The following LAMA1 variants were observed in gnomAD, a reference collection of about 807,000 sequenced individuals.
LAMA1 encodes laminin subunit alpha-1.
Under a neutral mutation model 348.7 loss-of-function variants are expected in LAMA1, and 219 were observed. The observed-to-expected ratio is 0.63, with a 90% CI of 0.56 to 0.70. The LOEUF (loss-of-function observed/expected upper bound fraction) is 0.70, where lower values mean the gene tolerates loss of function less well. Among genes scored for constraint, LAMA1 ranks in the 30% least tolerant of loss-of-function variants. The probability of loss-of-function intolerance (pLI) is 0.00; values close to 1 mark genes in which losing one functional copy is unlikely to be tolerated. For synonymous variants in LAMA1, 1,487 were observed against 1,491.0 expected, an observed-to-expected ratio of 1.00 and a Z score of 0.06; for missense variants, 3,744 against 3,888.0, an observed-to-expected ratio of 0.96 and a Z score of 0.99.
intron 1 of LAMA1, among the ~76,000 whole-genome samples, chr18:7,108,662 A>G (rs986960321): frequency 6.7e-6 from 1 of 149,698 alleles, no homozygotes; most frequent in Non-Finnish European, 1.5e-5. Flanking sequence ...AAAAAAAAAA[A>G]AAAAAGCTAA....
At chr18:6,970,045 A>T (rs2057651124) in intron 48 of LAMA1, among the ~76,000 whole-genome samples, 1 of 152,166 alleles carries the variant, frequency 6.6e-6, no homozygotes, top group Non-Finnish European at 1.5e-5. Flanking sequence ...ATCTGGGGTC[A>T]GTGGAGGGGA....
intron 1 of LAMA1, among the ~76,000 whole-genome samples, chr18:7,098,185 ATCTC>A (rs2058270912): frequency 6.6e-6 from 1 of 151,758 alleles, no homozygotes; most frequent in East Asian, 2.0e-4. Context: ...CAGTGGCGTG[ATCTC>A]GGCTCGCTAC....
At chr18:6,995,566 G>T in intron 33 of LAMA1, 120 bp from the exon 34 acceptor site, 2 of 688,422 alleles carry the variant, frequency 2.9e-6, no homozygotes, top group Non-Finnish European at 5.2e-6. Flanking sequence ...CCTTGGAACT[G>T]TCATTTTAAA....
Position 6,958,546 on chromosome 18 carries a change from T to C in LAMA1, c.7895A>G (p.Glu2632Gly), listed in dbSNP as rs1002338725. 6.2e-7 allele frequency: 1 copy of C among 1,614,184 alleles called. No homozygotes were observed. The highest frequency in any genetic ancestry group is 8.5e-7 in the Non-Finnish European group (1 of 1,180,036). Residue 2632 changes from glutamate (E) to glycine (G), a missense_variant, in exon 55 of 63, where the codon GAG (glutamate) becomes GGG (glycine). Physicochemically the swap from Glu to Gly is moderately conservative, Grantham distance 98. This residue lies in a region of LAMA1 where 1,983 missense variants were observed against 1,934.3 expected (regional missense o/e 1.03). Coordinates refer to ENST00000389658, the MANE Select transcript of LAMA1 (RefSeq NM_005559.4). ...NLYVGGIPEG[E>G]GTSLLTMRRS... ...TCTCATTGTGAGCAGTGACGTCCCCTCTCCCTCTGGAATTCCCCCGACGTA... is the reference window on the plus strand; with the variant it reads ...TCTCATTGTGAGCAGTGACGTCCCCCCTCCCTCTGGAATTCCCCCGACGTA...
intron 36 of LAMA1, among the ~76,000 whole-genome samples, chr18:6,989,957 T>C (rs1027371050): frequency 1.3e-5 from 2 of 152,224 alleles, no homozygotes; most frequent in African/African-American, 2.4e-5. Flanking sequence ...ACTAGTGTTA[T>C]AGAGGCACAT....
chr18:7,029,058 C>T (rs1178550726), intron 16 of LAMA1, among the ~76,000 whole-genome samples: 1 of 152,144 alleles, frequency 6.6e-6, no homozygotes, highest in East Asian at 1.9e-4. Flanking sequence ...TCCCATATAC[C>T]ACATTTAATT....
chr18:7,007,369 G>A (rs373688253), intron 28 of LAMA1, 93 bp from the exon 29 acceptor site: 1 of 1,280,988 alleles, frequency 7.8e-7, no homozygotes, highest in Non-Finnish European at 1.1e-6. Context: ...CATACAAATG[G>A]CCAACAGGTA....
chr18:7,084,563 C>G (rs1387888781), intron 1 of LAMA1, among the ~76,000 whole-genome samples: 2 of 152,210 alleles, frequency 1.3e-5, no homozygotes, highest in Admixed American at 6.5e-5. Flanking sequence ...ACAATGGAAT[C>G]ATTCCTCTAC....
intron 3 of LAMA1, among the ~76,000 whole-genome samples, chr18:7,072,067 T>A (rs940145146): frequency 2.0e-5 from 3 of 149,114 alleles, no homozygotes; most frequent in Non-Finnish European, 2.9e-5. Flanking sequence ...TTCTGCCTGT[T>A]TACACTTATC....
At chr18:7,080,227 C>T (rs1268793281) in intron 2 of LAMA1, 60 bp downstream of exon 2, 35 of 1,609,914 alleles carry the variant, frequency 2.2e-5, no homozygotes, top group Middle Eastern at 1.9e-4. Flanking sequence ...AAGTCTCAGT[C>T]CTCATTTCAC....
chr18:6,995,195 G>A (rs2057775680), intron 34 of LAMA1, among the ~76,000 whole-genome samples, 162 bp downstream of exon 34: 1 of 152,140 alleles, frequency 6.6e-6, no homozygotes, highest in Non-Finnish European at 1.5e-5. Context: ...AAACTGGCAG[G>A]GTCAAAACCA....
intron 3 of LAMA1, among the ~76,000 whole-genome samples, chr18:7,053,335 G>A (rs1323935891): frequency 6.6e-6 from 1 of 152,132 alleles, no homozygotes; most frequent in Non-Finnish European, 1.5e-5. Flanking sequence ...GTAAACTATG[G>A]ACTCAACAAT....
chr18:6,989,248 G>C (rs1010612546), intron 36 of LAMA1, among the ~76,000 whole-genome samples: 1 of 150,614 alleles, frequency 6.6e-6, no homozygotes, highest in Non-Finnish European at 1.5e-5. Flanking sequence ...AGGACTTCAG[G>C]GATTTCTCCA....
At chr18:7,096,954 G>T (rs760398344) in intron 1 of LAMA1, among the ~76,000 whole-genome samples, 9 of 152,214 alleles carry the variant, frequency 5.9e-5, no homozygotes, top group Non-Finnish European at 1.3e-4. Flanking sequence ...GTCGGCAGGG[G>T]AGTTTCCTAA....
At chr18:7,091,279 A>C (rs1016420791) in intron 1 of LAMA1, among the ~76,000 whole-genome samples, 1 of 152,248 alleles carries the variant, frequency 6.6e-6, no homozygotes, top group Admixed American at 6.5e-5. Flanking sequence ...TTAAAATTTC[A>C]TATCATTCCC....
At chr18:7,106,490 G>C (rs1312099458) in intron 1 of LAMA1, among the ~76,000 whole-genome samples, 1 of 151,642 alleles carries the variant, frequency 6.6e-6, no homozygotes, top group Non-Finnish European at 1.5e-5. Flanking sequence ...CTCCCAAGTA[G>C]CTCGGACTAC....
In LAMA1 at chr18:7,110,024, T is replaced by C. The variant is rs147539695; in HGVS notation, c.61+7636A>G. On this transcript the variant is annotated intron_variant, in intron 1 of 62. Coordinates refer to ENST00000389658, the MANE Select transcript of LAMA1 (RefSeq NM_005559.4). ...TGATAAAACCCTGTTTCTACTAAAA[T>C]ACAAAAATTAGCAGGGTGTAGTGGC... Among the ~76,000 whole-genome samples, 380 of 151,922 alleles carry C rather than the reference T, an allele frequency of 2.5e-3. 1 individual carries two copies. Among genetic ancestry groups the C allele is most frequent in the African/African-American group, 8.5e-3 (354 of 41,432 alleles).
chr18:7,067,186 G>C (rs1014698408), intron 3 of LAMA1, among the ~76,000 whole-genome samples: 1 of 150,708 alleles, frequency 6.6e-6, no homozygotes, highest in African/African-American at 2.5e-5. Flanking sequence ...AGGCAGCACG[G>C]GACAGTGACT....
rs1300320423 is a variant in LAMA1 at position 7,033,025 on chromosome 18, G to A, written c.2122C>T (p.His708Tyr). 6.2e-7 allele frequency: 1 copy of A among 1,612,308 alleles called. No individual in the cohort carries two copies. The highest frequency in any genetic ancestry group is 1.1e-5 in the South Asian group (1 of 90,566). Reference protein sequence around the residue: ...IDLVVAADVEHCECPQGYTGT... With the variant: ...IDLVVAADVEYCECPQGYTGT... ...GTGTAGCCTTGCGGACATTCACAGT[G>A]CTCCACATCAGCGGCCACCACCAGG... is the stretch of plus-strand genomic sequence containing the variant. Residue 708 changes from histidine to tyrosine, a missense_variant, in exon 15 of 63, where the codon CAC (histidine) becomes TAC (tyrosine). Physicochemically the swap from His to Tyr is moderately conservative, Grantham distance 83 (BLOSUM62 2). Transcript: ENST00000389658.
Sources: allele counts gnomAD v4.1 joint callset (sites outside exome capture counted in the v4.1 genomes callset), GRCh38; gene constraint gnomAD v4.1.1; regional missense constraint gnomAD v4.1.1; transcripts MANE v1.5; gene names NCBI Gene and HGNC (gene_info 2026-07-23, HGNC 2026-07-21).